EHBP1: variants seen among roughly 807,000 people sequenced by gnomAD.
The protein encoded by EHBP1 is EH domain binding protein 1, also known as EH domain-binding protein 1.
EHBP1 carries 55 observed loss-of-function variants against 144.0 expected under a neutral mutation model. The observed-to-expected ratio is 0.38, with a 90% CI of 0.31 to 0.48. The LOEUF (loss-of-function observed/expected upper bound fraction) is 0.48, where lower values mean the gene tolerates loss of function less well. EHBP1 is among the 20% of genes least tolerant of loss of function. The pLI, the probability that EHBP1 is intolerant of heterozygous loss-of-function variation, is 0.98. For synonymous variants in EHBP1, 469 were observed against 472.7 expected (o/e 0.99, Z 0.10); for missense variants, 1,200 against 1,364.2 (o/e 0.88, Z 1.90).
intron 4 of EHBP1, 83 bp downstream of exon 4, chr2:62,764,444 A>G (rs1271580624): frequency 7.2e-6 from 8 of 1,112,600 alleles, no homozygotes; most frequent in Non-Finnish European, 1.0e-5. Context: ...TCATTGTTCT[A>G]TACATTTGTG....
chr2:62,945,752 A>G (rs1362938099), intron 12 of EHBP1, among the ~76,000 whole-genome samples: 3 of 152,144 alleles, frequency 2.0e-5, no homozygotes, highest in African/African-American at 7.2e-5. Flanking sequence ...CCTGTGTCCA[A>G]AAACAAACAA....
chr2:62,817,227 G>T (rs188598996), intron 5 of EHBP1, among the ~76,000 whole-genome samples: 235 of 152,270 alleles, frequency 1.5e-3, no homozygotes, highest in Non-Finnish European at 9.0e-4. Context: ...AAGTAAAGGG[G>T]AATATGAAAT....
intron 5 of EHBP1, among the ~76,000 whole-genome samples, chr2:62,785,230 C>A (rs2042721306): frequency 6.6e-6 from 1 of 152,040 alleles, no homozygotes; most frequent in Non-Finnish European, 1.5e-5. Flanking sequence ...AAAATGAATT[C>A]ACCATCCACT....
At chr2:62,898,828 G>T (rs1186713336) in intron 10 of EHBP1, among the ~76,000 whole-genome samples, 2 of 152,058 alleles carry the variant, frequency 1.3e-5, no homozygotes, top group Admixed American at 1.3e-4. Context: ...ATCCTGGCTC[G>T]GCCTTTAATA....
At position 62,706,953 on chromosome 2, in the gene EHBP1, G is replaced by C. The variant is rs894578321; in HGVS notation, c.-239G>C. On this transcript the variant is annotated 5_prime_UTR_variant, in exon 2 of 23. Coordinates refer to ENST00000431489, the MANE Select transcript of EHBP1 (RefSeq NM_001142616.3). ...GGTGGCATGGTGATGTCTCCATGAG[G>C]GAACCCCTTCCCACTCATCCTGTCA... 1 of 461,238 alleles carries C rather than the reference G, an allele frequency of 2.2e-6. No homozygotes were observed. The highest frequency in any genetic ancestry group is 4.0e-6 in the Non-Finnish European group (1 of 251,910). The allele number at this position is 461,238 out of a possible 1,614,324, so 28.6% of individuals were successfully genotyped here. A position where few individuals can be genotyped will look rare whatever the true frequency, so the allele number is the denominator to read the frequency against.
At chr2:62,942,678 T>TA (rs1478915752) in intron 10 of EHBP1, 40 bp from the exon 11 acceptor site, 1 of 1,515,744 alleles carries the variant, frequency 6.6e-7, no homozygotes, top group Non-Finnish European at 8.9e-7. Flanking sequence ...CATCTTCCAT[T>TA]AAATTCTTTT....
intron 7 of EHBP1, among the ~76,000 whole-genome samples, chr2:62,845,080 A>C (rs1295743774): frequency 6.6e-6 from 1 of 151,742 alleles, no homozygotes. Flanking sequence ...GCAACACAAG[A>C]GCAGATTATC....
At chr2:63,025,758 T>C (rs910459184) in intron 19 of EHBP1, among the ~76,000 whole-genome samples, 2 of 152,136 alleles carry the variant, frequency 1.3e-5, no homozygotes, top group African/African-American at 4.8e-5. Flanking sequence ...ATCCTGGGGA[T>C]TAAGTTGAGA....
chr2:62,783,668 A>G (rs2042610653), intron 5 of EHBP1, among the ~76,000 whole-genome samples: 1 of 152,218 alleles, frequency 6.6e-6, no homozygotes, highest in Admixed American at 6.5e-5. Context: ...GACACAGGGC[A>G]CCAAGTCCCA....
At chr2:62,911,251 A>G (rs1019469906) in intron 10 of EHBP1, among the ~76,000 whole-genome samples, 1 of 152,162 alleles carries the variant, frequency 6.6e-6, no homozygotes, top group African/African-American at 2.4e-5. Context: ...AGGAATAATA[A>G]TAGTGCTTAT....
At position 62,942,784 on chromosome 2, in the gene EHBP1, T is replaced by C; in HGVS notation, c.1252T>C (p.Cys418Arg). 6.2e-7 allele frequency: 1 copy of C among 1,613,916 alleles called. No homozygotes were observed. Among genetic ancestry groups the C allele is most frequent in the Non-Finnish European group, 8.5e-7 (1 of 1,179,862 alleles). The change falls in exon 11 of 23, where the codon TGT (cysteine) becomes CGT (arginine). Residue 418 changes from cysteine (C) to arginine (R), a missense_variant. Transcript: ENST00000431489. ...PNASQSLLVW[C>R]KEVTKNYRGV... ...TGCTAGTCAGTCTTTGCTTGTATGG[T>C]GTAAAGAAGTTACAAAGAACTACCG... is the stretch of plus-strand genomic sequence containing the variant.
At chr2:62,985,794 T>G (rs1574362521) in intron 15 of EHBP1, among the ~76,000 whole-genome samples, 1 of 152,350 alleles carries the variant, frequency 6.6e-6, no homozygotes, top group African/African-American at 2.4e-5. Context: ...GAATTCCTGG[T>G]GTCATTGGCA....
At chr2:62,792,738 A>G (rs577130077) in intron 5 of EHBP1, among the ~76,000 whole-genome samples, 6 of 152,142 alleles carry the variant, frequency 3.9e-5, no homozygotes, top group East Asian at 1.9e-4. Flanking sequence ...AAATACCCCA[A>G]TAAATGGGTG....
At chr2:62,806,694 T>C (rs1253951953) in intron 5 of EHBP1, among the ~76,000 whole-genome samples, 1 of 152,146 alleles carries the variant, frequency 6.6e-6, no homozygotes, top group Non-Finnish European at 1.5e-5. Flanking sequence ...CCACTTTCTT[T>C]CTTTTCTTAG....
At chr2:62,691,382 C>T (rs2033899643) in intron 1 of EHBP1, among the ~76,000 whole-genome samples, 1 of 152,112 alleles carries the variant, frequency 6.6e-6, no homozygotes, top group Admixed American at 6.5e-5. Context: ...ATCCCGTCAA[C>T]AGAAAGGAAA....
At chr2:62,861,748 GAAA>G (rs879805138) in intron 8 of EHBP1, among the ~76,000 whole-genome samples, 1 of 134,898 alleles carries the variant, frequency 7.4e-6, no homozygotes, top group Admixed American at 7.4e-5. Context: ...TCCAGCTCAG[GAAA>G]AAAAAAAAAA....
intron 15 of EHBP1, chr2:62,988,154 T>C: frequency 1.6e-6 from 1 of 627,110 alleles, no homozygotes; most frequent in South Asian, 2.0e-5. Flanking sequence ...TCTTATGGCC[T>C]CATAAACCAT....
chr2:62,854,466 G>A (rs955906208), intron 7 of EHBP1, among the ~76,000 whole-genome samples: 44 of 152,178 alleles, frequency 2.9e-4, no homozygotes, highest in African/African-American at 9.9e-4. Context: ...CATTTAAAGG[G>A]AGAGACATAC....
chr2:62,803,231 T>C (rs548749404), intron 5 of EHBP1, among the ~76,000 whole-genome samples: 11 of 143,562 alleles, frequency 7.7e-5, no homozygotes, highest in Non-Finnish European at 1.7e-4. Flanking sequence ...TGAGACCCTG[T>C]CTCAAAAAAA....
Sources: allele counts gnomAD v4.1 joint callset (sites outside exome capture counted in the v4.1 genomes callset), GRCh38; gene constraint gnomAD v4.1.1; transcripts MANE v1.5; gene names NCBI Gene and HGNC (gene_info 2026-07-23, HGNC 2026-07-21).